Variants in MDGA2 observed in about 807,000 individuals in gnomAD.
MDGA2 encodes MAM domain-containing glycosylphosphatidylinositol anchor protein 2.
A neutral mutation model predicts 117.8 loss-of-function variants in MDGA2; 40 were observed. The observed-to-expected ratio is 0.34, with a 90% CI of 0.26 to 0.44. The LOEUF (loss-of-function observed/expected upper bound fraction) is 0.44, where lower values mean the gene tolerates loss of function less well. Ranked by LOEUF, MDGA2 falls within the 20% of genes least tolerant of loss-of-function variation. MDGA2 has a pLI of 1.00. For missense variants in MDGA2, 1,123 were observed against 1,250.6 expected (o/e 0.90, Z 1.54); for synonymous variants, 452 against 439.0 (o/e 1.03, Z -0.37).
intron 1 of MDGA2, among the ~76,000 whole-genome samples, chr14:47,601,345 C>T (rs1036339719): frequency 6.6e-6 from 1 of 152,100 alleles, no homozygotes; most frequent in Non-Finnish European, 1.5e-5. Flanking sequence ...GAAGTGAATA[C>T]TTTTGTGACT....
chr14:47,087,633 T>A (rs1349025416), intron 6 of MDGA2, among the ~76,000 whole-genome samples: 1 of 151,942 alleles, frequency 6.6e-6, no homozygotes, highest in Non-Finnish European at 1.5e-5. Context: ...AGATCACAGA[T>A]ATCTTGTCCT....
chr14:46,949,551 C>T (rs1165654077), intron 9 of MDGA2, among the ~76,000 whole-genome samples: 2 of 151,926 alleles, frequency 1.3e-5, no homozygotes, highest in African/African-American at 4.8e-5. Context: ...TTATTTCCAT[C>T]TTTATGTCCA....
intron 8 of MDGA2, among the ~76,000 whole-genome samples, chr14:47,011,273 A>G (rs1959820): frequency 0.91 from 138,588 of 152,020 alleles, 63,192 homozygotes; most frequent in East Asian, 1. Flanking sequence ...CATTGTTCTT[A>G]CTACAATTCA....
intron 5 of MDGA2, among the ~76,000 whole-genome samples, chr14:47,105,037 G>C (rs1187876349): frequency 2.6e-5 from 4 of 152,186 alleles, no homozygotes; most frequent in Admixed American, 1.3e-4. Flanking sequence ...CCTTCCCTTG[G>C]TGTTTAATCA....
intron 1 of MDGA2, among the ~76,000 whole-genome samples, chr14:47,355,773 G>A (rs1315664011): frequency 6.6e-6 from 1 of 152,156 alleles, no homozygotes; most frequent in East Asian, 1.9e-4. Context: ...CAAAGTACCA[G>A]GGGCTTCCTA....
rs12886776 is a variant in MDGA2 at position 47,217,909 on chromosome 14, G to C, written c.595+112C>G. On this transcript the variant is annotated intron_variant, in intron 3 of 16. Transcript: ENST00000399232. ...AAGGGAGCTATCATTATTTTACACA[G>C]TTTTCATTCTCAGCTAAACAGAACG... 0.2 allele frequency: 167,704 copies of C among 844,284 alleles called. 18,085 individuals are homozygous for C. The highest frequency in any genetic ancestry group is 0.35 in the East Asian group (11,561 of 33,120). 52.3% of individuals were successfully genotyped at this position (844,284 alleles called of 1,614,324 possible). A position where few individuals can be genotyped will look rare whatever the true frequency, so the allele number is the denominator to read the frequency against.
intron 7 of MDGA2, among the ~76,000 whole-genome samples, chr14:47,050,284 A>C (rs1166275780): frequency 6.6e-6 from 1 of 152,022 alleles, no homozygotes; most frequent in African/African-American, 2.4e-5. Flanking sequence ...GAATATAATC[A>C]CAAAATCTGC....
rs1291433393 is a variant in MDGA2 at position 47,533,197 on chromosome 14, ATCCTT to A, written c.280+141315_280+141319del. ...ATAGCTTAGAATGGTGGCAGGATGA[ATCCTT>A]CAAAGGAATATCAGGGTGCTGGAGG... On this transcript the variant is annotated intron_variant, in intron 1 of 16. Transcript: ENST00000399232. Among the ~76,000 whole-genome samples, 50 of 152,346 alleles carry A rather than the reference ATCCTT, an allele frequency of 3.3e-4. 1 individual carries two copies. The highest frequency in any genetic ancestry group is 1.1e-3 in the African/African-American group (47 of 41,580).
intron 14 of MDGA2, among the ~76,000 whole-genome samples, chr14:46,868,830 GT>G (rs1881882111): frequency 6.6e-6 from 1 of 151,940 alleles, no homozygotes; most frequent in Non-Finnish European, 1.5e-5. Context: ...CTCTGTATCT[GT>G]TTTGCAGAGA....
chr14:46,979,105 T>C (rs1217128740), intron 8 of MDGA2, among the ~76,000 whole-genome samples: 2 of 152,164 alleles, frequency 1.3e-5, no homozygotes, highest in Non-Finnish European at 2.9e-5. Context: ...ATTTTGGTCA[T>C]TCTTAAAATA....
At chr14:47,549,754 T>C (rs1159585081) in intron 1 of MDGA2, among the ~76,000 whole-genome samples, 2 of 152,076 alleles carry the variant, frequency 1.3e-5, no homozygotes, top group Non-Finnish European at 2.9e-5. Context: ...AAGAGCACTC[T>C]TTTGCTCTCA....
chr14:47,391,232 G>C (rs1424169073), intron 1 of MDGA2, among the ~76,000 whole-genome samples: 2 of 152,130 alleles, frequency 1.3e-5, no homozygotes, highest in Non-Finnish European at 2.9e-5. Flanking sequence ...TGCTGCCCTA[G>C]CAACTTTTTG....
At chr14:47,657,544 G>A (rs528179986) in intron 1 of MDGA2, among the ~76,000 whole-genome samples, 1 of 152,268 alleles carries the variant, frequency 6.6e-6, no homozygotes, top group South Asian at 2.1e-4. Flanking sequence ...TAGGCATTTG[G>A]TAGAAATTGA....
intron 1 of MDGA2, among the ~76,000 whole-genome samples, chr14:47,625,350 T>G (rs1269079764): frequency 1.3e-5 from 2 of 152,166 alleles, no homozygotes; most frequent in African/African-American, 4.8e-5. Flanking sequence ...AATACAAGAT[T>G]CTTTACTAAA....
At chr14:47,454,207 G>A (rs1014259591) in intron 1 of MDGA2, among the ~76,000 whole-genome samples, 47 of 152,142 alleles carry the variant, frequency 3.1e-4, no homozygotes, top group African/African-American at 1.0e-3. Flanking sequence ...CCAGGGAGGT[G>A]GGAGAGTGTC....
At chr14:46,845,639 T>C (rs1428710816) in intron 16 of MDGA2, 127 bp downstream of exon 16, 2 of 572,708 alleles carry the variant, frequency 3.5e-6, no homozygotes, top group Non-Finnish European at 3.0e-6. Context: ...GGGTATTACA[T>C]ATAAGAAATT....
intron 1 of MDGA2, among the ~76,000 whole-genome samples, chr14:47,356,708 A>C (rs1289559693): frequency 6.6e-6 from 1 of 152,172 alleles, no homozygotes; most frequent in Non-Finnish European, 1.5e-5. Context: ...CATTTATTTA[A>C]ATTGTTCAGA....
chr14:46,918,333 AG>A (rs1883980113), intron 10 of MDGA2, among the ~76,000 whole-genome samples: 1 of 152,206 alleles, frequency 6.6e-6, no homozygotes, highest in Non-Finnish European at 1.5e-5. Context: ...TTTTAAAAAG[AG>A]TATGAGGTGT....
chr14:47,145,221 G>A (rs1464083202), intron 3 of MDGA2, among the ~76,000 whole-genome samples: 1 of 152,090 alleles, frequency 6.6e-6, no homozygotes, highest in Non-Finnish European at 1.5e-5. Context: ...TACAGTAGAG[G>A]CTCAGCATTT....
Sources: allele counts gnomAD v4.1 joint callset (sites outside exome capture counted in the v4.1 genomes callset), GRCh38; gene constraint gnomAD v4.1.1; transcripts MANE v1.5; gene names NCBI Gene and HGNC (gene_info 2026-07-23, HGNC 2026-07-21).